USP26: variants seen among roughly 807,000 people sequenced by gnomAD.
The protein encoded by USP26 is ubiquitin specific peptidase 26, also known as ubiquitin carboxyl-terminal hydrolase 26.
For synonymous variants in USP26, 236 were observed against 240.6 expected (o/e 0.98, Z 0.18); for missense variants, 649 against 642.3 (o/e 1.01, Z -0.11).
intron 5 of USP26, among the ~76,000 whole-genome samples, chrX:133,037,879 G>T (rs1008501775): frequency 3.6e-5 from 4 of 110,961 alleles, no homozygotes; most frequent in Non-Finnish European, 7.5e-5. Context: ...CCTTGAAGAG[G>T]TCCTTCATGT....
Position 133,063,909 on chromosome X carries a change from G to A in USP26, c.-77+19798C>T, listed in dbSNP as rs766659824. Among the ~76,000 whole-genome samples the A allele has an allele frequency of 1.1e-3, 124 of 111,944 alleles. 1 individual carries two copies. Among genetic ancestry groups the A allele is most frequent in the Non-Finnish European group, 1.7e-3 (88 of 53,154 alleles). On this transcript the variant is annotated intron_variant, in intron 5 of 5. Transcript: ENST00000511190. ...AACCTTAAATGTAAATGGACAAAAT[G>A]CCCCAATTAAAAGACACAGACTGGC...
intron 1 of USP26, 114 bp from the exon 2 acceptor site, chrX:133,091,557 A>G (rs1291320343): frequency 8.9e-6 from 1 of 112,216 alleles, no homozygotes; most frequent in Non-Finnish European, 1.9e-5. Context: ...TAACAGCGGC[A>G]CCCACAGTGT....
intron 5 of USP26, among the ~76,000 whole-genome samples, chrX:133,076,798 C>T (rs966689268): frequency 1.8e-5 from 2 of 111,776 alleles, no homozygotes; most frequent in Admixed American, 1.9e-4. Context: ...CCTCAAGGTG[C>T]TCCCTGCAGA....
intron 5 of USP26, among the ~76,000 whole-genome samples, chrX:133,055,452 G>C (rs1178009890): frequency 2.7e-5 from 3 of 111,714 alleles, no homozygotes; most frequent in African/African-American, 9.8e-5. Context: ...ATGCCATTCT[G>C]CTATTAAAAC....
chrX:133,053,925 C>CT (rs1375322685), intron 5 of USP26, among the ~76,000 whole-genome samples: 1 of 111,651 alleles, frequency 9.0e-6, no homozygotes, highest in Non-Finnish European at 1.9e-5. Context: ...TGGGCTAAGC[C>CT]TTTTTACTCA....
chrX:133,035,906 C>A (rs2067394354), intron 5 of USP26, among the ~76,000 whole-genome samples: 2 of 111,878 alleles, frequency 1.8e-5, no homozygotes, highest in African/African-American at 6.5e-5. Flanking sequence ...TGCCTGTAAT[C>A]CCAGCACTTT....
intron 5 of USP26, among the ~76,000 whole-genome samples, chrX:133,035,652 G>A (rs1479108881): frequency 2.7e-5 from 3 of 111,842 alleles, no homozygotes; most frequent in African/African-American, 9.8e-5. Context: ...TCTGGATGGA[G>A]AATCAACTTG....
At chrX:133,054,984 C>G (rs1342252523) in intron 5 of USP26, among the ~76,000 whole-genome samples, 1 of 112,016 alleles carries the variant, frequency 8.9e-6, no homozygotes, top group African/African-American at 3.2e-5. Flanking sequence ...GGCTGGAACT[C>G]CAGTTACAAT....
intron 5 of USP26, among the ~76,000 whole-genome samples, chrX:133,038,700 T>A (rs749767607): frequency 1.8e-5 from 2 of 112,289 alleles, no homozygotes; most frequent in East Asian, 5.6e-4. Context: ...GAGTAGTCCC[T>A]CTTTTTCTAT....
At chrX:133,084,025 C>G (rs2067579225) in intron 4 of USP26, among the ~76,000 whole-genome samples, 1 of 110,939 alleles carries the variant, frequency 9.0e-6, no homozygotes, top group Non-Finnish European at 1.9e-5. Flanking sequence ...GCTCACAGGT[C>G]TTCTATTTGA....
chrX:133,044,751 G>T (rs1432326394), intron 5 of USP26, among the ~76,000 whole-genome samples: 1 of 113,299 alleles, frequency 8.8e-6, no homozygotes, highest in Non-Finnish European at 1.9e-5. Context: ...CCACCCAAGG[G>T]CTGAGGAGTG....
intron 1 of USP26, among the ~76,000 whole-genome samples, chrX:133,096,047 A>ATTTTTTTTTTTTTTTTTTTTTTT (rs779131148): frequency 2.7e-5 from 1 of 36,537 alleles, no homozygotes; most frequent in Non-Finnish European, 4.4e-5. Context: ...GCCCGGCCTA[A>ATTTTTTTTTTTTTTTTTTTTTTT]TTTTTTTTTT....
intron 5 of USP26, among the ~76,000 whole-genome samples, chrX:133,041,716 G>A (rs749413998): frequency 8.9e-6 from 1 of 112,547 alleles, no homozygotes; most frequent in Non-Finnish European, 1.9e-5. Context: ...AGCAGAGCTG[G>A]TGTGCTGTGC....
At chrX:133,087,705 G>A (rs2067594430) in intron 4 of USP26, among the ~76,000 whole-genome samples, 2 of 112,220 alleles carry the variant, frequency 1.8e-5, no homozygotes, top group Admixed American at 1.9e-4. Context: ...TGTATAGCAC[G>A]TTTTCATGAA....
intron 5 of USP26, among the ~76,000 whole-genome samples, chrX:133,044,646 C>G (rs1279644381): frequency 8.8e-6 from 1 of 113,249 alleles, no homozygotes; most frequent in Non-Finnish European, 1.9e-5. Flanking sequence ...GCCTGCCATG[C>G]CTGAGCCTCC....
intron 5 of USP26, among the ~76,000 whole-genome samples, chrX:133,082,582 C>T (rs937608213): frequency 8.9e-6 from 1 of 111,977 alleles, no homozygotes; most frequent in African/African-American, 3.2e-5. Context: ...ATATTTGAGT[C>T]TCTAAACTCC....
At chrX:133,077,489 G>A (rs1309404896) in intron 5 of USP26, among the ~76,000 whole-genome samples, 1 of 112,100 alleles carries the variant, frequency 8.9e-6, no homozygotes, top group East Asian at 2.8e-4. Context: ...ATGGAAGCTA[G>A]ACAGGAAAGA....
At chrX:133,046,310 T>G (rs1602975389) in intron 5 of USP26, among the ~76,000 whole-genome samples, 1 of 112,066 alleles carries the variant, frequency 8.9e-6, no homozygotes, top group South Asian at 3.8e-4. Context: ...GTATTTTATA[T>G]AGACGCTTGT....
chrX:133,045,598 C>T (rs984787314), intron 5 of USP26, among the ~76,000 whole-genome samples: 3 of 111,721 alleles, frequency 2.7e-5, no homozygotes, highest in African/African-American at 9.8e-5. Context: ...AGACCACGAA[C>T]CCACCGGGAG....
Sources: allele counts gnomAD v4.1 joint callset (sites outside exome capture counted in the v4.1 genomes callset), GRCh38; gene constraint gnomAD v4.1.1; transcripts MANE v1.5; gene names NCBI Gene and HGNC (gene_info 2026-07-23, HGNC 2026-07-21).